Variants in PHKA2 observed in about 807,000 individuals in gnomAD.
PHKA2 encodes the protein phosphorylase b kinase regulatory subunit alpha, liver isoform.
PHKA2 carries 31 observed loss-of-function variants against 102.0 expected under a neutral mutation model. The observed-to-expected ratio is 0.30, with a 90% CI of 0.23 to 0.41. PHKA2 has a LOEUF of 0.41. Ranked by LOEUF, PHKA2 falls within the 10% of genes least tolerant of loss-of-function variation. The probability of loss-of-function intolerance (pLI) is 1.00; values close to 1 mark genes in which losing one functional copy is unlikely to be tolerated. For missense variants in PHKA2, 858 were observed against 1,023.1 expected, an observed-to-expected ratio of 0.84 and a Z score of 2.20; for synonymous variants, 455 against 416.2, an observed-to-expected ratio of 1.09 and a Z score of -1.13.
At chrX:18,929,039 T>C (rs967709184) in intron 13 of PHKA2, among the ~76,000 whole-genome samples, 189 bp downstream of exon 13, 3 of 112,800 alleles carry the variant, frequency 2.7e-5, no homozygotes, top group African/African-American at 9.7e-5. Flanking sequence ...AGTCATTTTG[T>C]GGTTGGGAAG....
intron 9 of PHKA2, among the ~76,000 whole-genome samples, chrX:18,939,772 C>T (rs182082155): frequency 8.0e-5 from 9 of 112,231 alleles, no homozygotes; most frequent in Admixed American, 3.8e-4. Flanking sequence ...GGATTACAGG[C>T]GTGAGCCACC....
Position 18,893,282 on chromosome X carries a change from G to A in PHKA2, c.*203C>T. The A allele has an allele frequency of 2.1e-6, 1 of 466,609 alleles. No individual in the cohort carries two copies. 38.5% of individuals were successfully genotyped at this position (466,609 alleles called of 1,213,427 possible). On this transcript the variant is annotated 3_prime_UTR_variant, in exon 33 of 33. Transcript: ENST00000379942. ...AATGATCCCGGGGTGCTCCTTGCGG[G>A]GGAACACAGGACTCCTCAGCTCTAT...
At chrX:18,893,774 T>G (rs2047475760) in intron 32 of PHKA2, 119 bp from the exon 33 acceptor site, 9 of 679,828 alleles carry the variant, frequency 1.3e-5, no homozygotes, top group Non-Finnish European at 2.1e-5. Context: ...AGTAGAGCCT[T>G]GGCCTTCTGA....
At position 18,941,102 on chromosome X, in the gene PHKA2, G is replaced by A. The variant is rs2048482653; in HGVS notation, c.864+427C>T. 1.8e-5 allele frequency among the ~76,000 whole-genome samples: 2 copies of A among 112,251 alleles called. 1 individual carries two copies. The highest frequency in any genetic ancestry group is 7.4e-4 in the South Asian group (2 of 2,719). On this transcript the variant is annotated intron_variant, in intron 8 of 32. Transcript: ENST00000379942. ...AATATTCTCAGTTTAGTGTATCACG[G>A]TTACTGCATTTCACCTCAAAACAGG...
In PHKA2 at chrX:18,983,809, A is replaced by C. The variant is rs1465376867; in HGVS notation, c.78+46T>G. 3 of 1,040,385 alleles carry C rather than the reference A, an allele frequency of 2.9e-6. No individual in the cohort carries two copies. The African/African-American group carries it at 5.5e-5, about 19-fold the overall frequency. The allele number at this position is 1,040,385 out of a possible 1,213,427, so 85.7% of individuals were successfully genotyped here. On this transcript the variant is annotated intron_variant, in intron 1 of 32. Transcript: ENST00000379942. The stretch of plus-strand genomic sequence containing the variant: ...AGACCTGGGAAGGAGAATGAGTTAC[A>C]TGAGAGGGTAGTTCCACGCGTTCCC...
intron 13 of PHKA2, among the ~76,000 whole-genome samples, chrX:18,928,088 A>T (rs1286818752): frequency 8.9e-6 from 1 of 112,297 alleles, no homozygotes; most frequent in Non-Finnish European, 1.9e-5. Context: ...GATTCAAGGG[A>T]CTAATTAGCA....
At chrX:18,952,166 T>C (rs1175135298) in intron 3 of PHKA2, among the ~76,000 whole-genome samples, 1 of 80,837 alleles carries the variant, frequency 1.2e-5, no homozygotes, top group Non-Finnish European at 2.2e-5. Context: ...CTGGGCAACA[T>C]AGTGAGATAT....
rs1457833439 is a variant in PHKA2, at chrX:18,907,897, G to A, written c.2517+3C>T. On this transcript the variant is annotated splice_donor_region_variant and intron_variant, in intron 22 of 32. Transcript: ENST00000379942. Reference sequence around the variant, plus strand: ...CATGGGCAGCCTGCACAGTCGCACTGACCTCAGCCAGGACCTCCACTTTCT... The same window carrying A: ...CATGGGCAGCCTGCACAGTCGCACTAACCTCAGCCAGGACCTCCACTTTCT... 26 of 1,210,890 alleles carry A rather than the reference G, an allele frequency of 2.1e-5. No homozygotes were observed. Among genetic ancestry groups the A allele is most frequent in the Non-Finnish European group, 2.9e-5 (26 of 894,835 alleles).
chrX:18,901,648 A>G, intron 26 of PHKA2, 45 bp from the exon 27 acceptor site: 1 of 890,423 alleles, frequency 1.1e-6, no homozygotes, highest in Non-Finnish European at 1.7e-6. Flanking sequence ...ACTCTACAGC[A>G]TCCAACCCGA....
intron 1 of PHKA2, among the ~76,000 whole-genome samples, chrX:18,955,045 A>G (rs747117028): frequency 2.7e-5 from 3 of 113,061 alleles, no homozygotes; most frequent in Non-Finnish European, 5.6e-5. Context: ...AATTATACAC[A>G]AATGTTCATA....
chrX:18,945,316 T>G (rs2048561075), intron 5 of PHKA2, among the ~76,000 whole-genome samples, 158 bp from the exon 6 acceptor site: 1 of 112,082 alleles, frequency 8.9e-6, no homozygotes, highest in African/African-American at 3.2e-5. Context: ...TCAATTTCAG[T>G]TCATGCGACC....
Position 18,957,738 on chromosome X carries a change from T to TTATATATA in PHKA2, c.79-3334_79-3327dup, listed in dbSNP as rs748964864. Among the ~76,000 whole-genome samples the TTATATATA allele has an allele frequency of 1.4e-3, 134 of 95,136 alleles. 1 individual carries two copies. The highest frequency in any genetic ancestry group is 5.4e-3 in the African/African-American group (123 of 22,759). The allele number at this position is 95,136 out of a possible 115,157, so 82.6% of individuals were successfully genotyped here. A position where few individuals can be genotyped will look rare whatever the true frequency, so the allele number is the denominator to read the frequency against. Reference sequence around the variant, plus strand: ...TTTCCTATGTGTTACTAAAACCAGATTATATATATATATATATATATAATT... The same window carrying TTATATATA: ...TTTCCTATGTGTTACTAAAACCAGATTATATATATATATATATATATATATATATAATT... On this transcript the variant is annotated intron_variant, in intron 1 of 32. Coordinates refer to ENST00000379942, the MANE Select transcript of PHKA2 (RefSeq NM_000292.3).
chrX:18,905,395 T>A (rs778273882), intron 26 of PHKA2, among the ~76,000 whole-genome samples: 1 of 111,519 alleles, frequency 9.0e-6, no homozygotes, highest in African/African-American at 3.3e-5. Context: ...CAGGCTGGTC[T>A]CAAACTCCTG....
At chrX:18,925,586 T>C in intron 15 of PHKA2, 82 bp downstream of exon 15, 2 of 586,942 alleles carry the variant, frequency 3.4e-6, no homozygotes, top group Non-Finnish European at 6.1e-6. Flanking sequence ...CATGCAGAAT[T>C]CTGTCATATT....
chrX:18,933,259 C>G (rs773994642), intron 11 of PHKA2, among the ~76,000 whole-genome samples: 1 of 112,729 alleles, frequency 8.9e-6, no homozygotes, highest in African/African-American at 3.2e-5. Flanking sequence ...TCCCCCTCTG[C>G]CTCTCTGCAC....
intron 31 of PHKA2, chrX:18,894,857 GCTC>G (rs2047505840): frequency 7.1e-6 from 3 of 421,088 alleles, no homozygotes; most frequent in East Asian, 4.0e-5. Flanking sequence ...ATGGAGATTG[GCTC>G]CTTTCTTTCA....
intron 9 of PHKA2, among the ~76,000 whole-genome samples, chrX:18,939,571 G>A (rs1007351523): frequency 4.5e-5 from 5 of 112,098 alleles, no homozygotes; most frequent in Non-Finnish European, 7.5e-5. Flanking sequence ...TCGGCTCAGT[G>A]CAAGCTCCGC....
intron 19 of PHKA2, among the ~76,000 whole-genome samples, chrX:18,913,774 T>G (rs1028631203): frequency 8.9e-6 from 1 of 112,152 alleles, no homozygotes; most frequent in African/African-American, 3.2e-5. Flanking sequence ...CTTTTTAAAC[T>G]TTTTTTAAAA....
At chrX:18,896,510 G>A (rs1404708459) in intron 30 of PHKA2, 1 of 115,100 alleles carries the variant, frequency 8.7e-6, no homozygotes, top group Non-Finnish European at 1.8e-5. Context: ...GTGCCTTCAG[G>A]GCACACAGGA....
Sources: allele counts gnomAD v4.1 joint callset (sites outside exome capture counted in the v4.1 genomes callset), GRCh38; gene constraint gnomAD v4.1.1; transcripts MANE v1.5; gene names NCBI Gene and HGNC (gene_info 2026-07-23, HGNC 2026-07-21).